Variants in PLCXD3 observed in about 807,000 individuals in gnomAD.
PLCXD3 encodes phosphatidylinositol specific phospholipase C X domain containing 3.
PLCXD3 carries 19 observed loss-of-function variants against 25.5 expected under a neutral mutation model. The observed-to-expected ratio is 0.75, with a 90% CI of 0.52 to 1.09. PLCXD3 has a LOEUF of 1.09. PLCXD3 is among the 50% of genes least tolerant of loss of function. The probability of loss-of-function intolerance (pLI) is 0.00; values close to 1 mark genes in which losing one functional copy is unlikely to be tolerated. For synonymous variants in PLCXD3, 174 were observed against 137.6 expected (o/e 1.26, Z -1.85); for missense variants, 411 against 388.1 (o/e 1.06, Z -0.50).
intron 1 of PLCXD3, among the ~76,000 whole-genome samples, chr5:41,461,881 TA>T: frequency 6.6e-6 from 1 of 152,096 alleles, no homozygotes; most frequent in East Asian, 2.0e-4. Context: ...CCTATATTCC[TA>T]TGTTTCCATT....
rs535334725 is a variant in PLCXD3, at chr5:41,456,907, T to G, written c.103+53517A>C. On this transcript the variant is annotated intron_variant, in intron 1 of 2. Transcript: ENST00000377801. The stretch of plus-strand genomic sequence containing the variant: ...TGTTTAAAAGCCACTCAGTTTATTG[T>G]AGTTTGTTACAGCAGCCCAAATGGA... Among the ~76,000 whole-genome samples, 14 of 152,054 alleles carry G rather than the reference T, an allele frequency of 9.2e-5. No homozygotes were observed. The South Asian group carries it at 2.9e-3, about 32-fold the overall frequency.
chr5:41,467,625 G>A (rs1413234932), intron 1 of PLCXD3, among the ~76,000 whole-genome samples: 1 of 151,974 alleles, frequency 6.6e-6, no homozygotes, highest in Non-Finnish European at 1.5e-5. Context: ...AAAGAAAAAA[G>A]CATTGCTTAA....
intron 1 of PLCXD3, among the ~76,000 whole-genome samples, chr5:41,392,249 G>T (rs1397055241): frequency 6.6e-6 from 1 of 152,130 alleles, no homozygotes; most frequent in Non-Finnish European, 1.5e-5. Context: ...CTGACTTCAG[G>T]TCTGACCTAG....
At chr5:41,493,279 C>A (rs556887852) in intron 1 of PLCXD3, among the ~76,000 whole-genome samples, 5 of 152,150 alleles carry the variant, frequency 3.3e-5, no homozygotes, top group African/African-American at 1.2e-4. Flanking sequence ...GCTGTCTGAT[C>A]GTTCCTCTGG....
intron 1 of PLCXD3, among the ~76,000 whole-genome samples, chr5:41,450,408 A>G (rs747853063): frequency 1.2e-4 from 19 of 152,166 alleles, no homozygotes; most frequent in Non-Finnish European, 2.1e-4. Flanking sequence ...GCAAGTTTCA[A>G]TTGACAGAGA....
At chr5:41,388,119 G>A (rs2150494872) in intron 1 of PLCXD3, among the ~76,000 whole-genome samples, 1 of 151,072 alleles carries the variant, frequency 6.6e-6, no homozygotes, top group African/African-American at 2.4e-5. Context: ...TGGACTAGTT[G>A]GAAACTAAAA....
intron 2 of PLCXD3, among the ~76,000 whole-genome samples, chr5:41,349,396 T>G (rs939781117): frequency 1.3e-5 from 2 of 152,210 alleles, no homozygotes; most frequent in Admixed American, 6.5e-5. Context: ...AAGAATAACT[T>G]CTTTCAAATT....
At chr5:41,476,354 A>G (rs1361487767) in intron 1 of PLCXD3, among the ~76,000 whole-genome samples, 5 of 152,214 alleles carry the variant, frequency 3.3e-5, no homozygotes, top group Non-Finnish European at 7.3e-5. Context: ...ATTAATAAGA[A>G]TGCCTCAATG....
chr5:41,341,779 C>G (rs370411264), intron 2 of PLCXD3, among the ~76,000 whole-genome samples: 20 of 152,264 alleles, frequency 1.3e-4, no homozygotes, highest in African/African-American at 4.8e-4. Context: ...TTGCTAATCT[C>G]AAATAACTTG....
intron 1 of PLCXD3, among the ~76,000 whole-genome samples, chr5:41,433,447 A>G (rs1423525673): frequency 6.6e-6 from 1 of 152,130 alleles, no homozygotes; most frequent in African/African-American, 2.4e-5. Context: ...GAACAGATGG[A>G]TATTGGCTCC....
intron 2 of PLCXD3, among the ~76,000 whole-genome samples, chr5:41,348,191 C>A (rs546688029): frequency 6.6e-6 from 1 of 152,106 alleles, no homozygotes; most frequent in South Asian, 2.1e-4. Context: ...GCTCTGGATG[C>A]TATTTTCAAA....
chr5:41,321,036 C>T lies in PLCXD3; in HGVS notation c.813-7266G>A, dbSNP rs111905192. ...TAGAAGCTTTTCCTCTAAGAGCTGG[C>T]ACATGACAAGGATGCCCAGTGTCAC... On this transcript the variant is annotated intron_variant, in intron 2 of 2. Coordinates refer to ENST00000377801, the MANE Select transcript of PLCXD3 (RefSeq NM_001005473.3). Among the ~76,000 whole-genome samples the T allele has an allele frequency of 2.8e-3, 431 of 152,300 alleles. 1 individual carries two copies. Among genetic ancestry groups the T allele is most frequent in the African/African-American group, 0.01 (418 of 41,562 alleles).
At chr5:41,418,815 A>T (rs958975950) in intron 1 of PLCXD3, among the ~76,000 whole-genome samples, 4 of 152,212 alleles carry the variant, frequency 2.6e-5, no homozygotes, top group African/African-American at 9.6e-5. Flanking sequence ...ATTTTGGAGA[A>T]GAGTGTGACT....
chr5:41,314,438 A>G (rs1408946938), intron 2 of PLCXD3, among the ~76,000 whole-genome samples: 1 of 152,234 alleles, frequency 6.6e-6, no homozygotes. Flanking sequence ...GACAATAAAC[A>G]ATAGTCATAA....
At chr5:41,463,223 G>C (rs1747934999) in intron 1 of PLCXD3, among the ~76,000 whole-genome samples, 1 of 147,836 alleles carries the variant, frequency 6.8e-6, no homozygotes, top group Non-Finnish European at 1.5e-5. Flanking sequence ...CACAGACTTG[G>C]TACCTTCTAG....
At chr5:41,464,348 G>T (rs1338014775) in intron 1 of PLCXD3, among the ~76,000 whole-genome samples, 1 of 151,972 alleles carries the variant, frequency 6.6e-6, no homozygotes, top group Non-Finnish European at 1.5e-5. Context: ...ACTGTGCACC[G>T]CTATCGGTAG....
chr5:41,447,792 G>C (rs1352341251), intron 1 of PLCXD3, among the ~76,000 whole-genome samples: 1 of 152,200 alleles, frequency 6.6e-6, no homozygotes, highest in Non-Finnish European at 1.5e-5. Flanking sequence ...CTTAGGTAAG[G>C]CTGACAAATA....
chr5:41,339,451 T>A (rs1744076280), intron 2 of PLCXD3, among the ~76,000 whole-genome samples: 1 of 129,870 alleles, frequency 7.7e-6, no homozygotes, highest in African/African-American at 4.2e-5. Context: ...AATCATACTA[T>A]TTTTTTTTTT....
intron 1 of PLCXD3, among the ~76,000 whole-genome samples, chr5:41,403,401 G>GTTTTTGTTTTTGTTTTTTTTT (rs1554047952): frequency 1.1e-4 from 2 of 18,394 alleles, no homozygotes; most frequent in African/African-American, 3.7e-4. Context: ...CTTATTTGTT[G>GTTTTTGTTTTTGTTTTTTTTT]TTTTTTTTTT....
Sources: allele counts gnomAD v4.1 joint callset (sites outside exome capture counted in the v4.1 genomes callset), GRCh38; gene constraint gnomAD v4.1.1; transcripts MANE v1.5; gene names NCBI Gene and HGNC (gene_info 2026-07-23, HGNC 2026-07-21).